The following NCEH1 variants were observed in gnomAD, a reference collection of about 807,000 sequenced individuals.
NCEH1 encodes the protein neutral cholesterol ester hydrolase 1, also known as 2-acetyl MAGE hydrolase.
In NCEH1, 9 loss-of-function variants were observed where a neutral mutation model predicts 25.4. The ratio of observed to expected loss-of-function variants is 0.35; its 90% CI spans 0.21 to 0.62. The LOEUF (loss-of-function observed/expected upper bound fraction) is 0.62, where lower values mean the gene tolerates loss of function less well. Among genes scored for constraint, NCEH1 ranks in the 20% least tolerant of loss-of-function variants. The pLI, the probability that NCEH1 is intolerant of heterozygous loss-of-function variation, is 0.72. For synonymous variants in NCEH1, 200 were observed against 199.8 expected (o/e 1.00, Z -0.01); for missense variants, 412 against 501.1 (o/e 0.82, Z 1.70).
chr3:172,703,891 C>G (rs180727197), intron 1 of NCEH1, among the ~76,000 whole-genome samples: 12 of 152,298 alleles, frequency 7.9e-5, no homozygotes, highest in Admixed American at 1.3e-4. Context: ...AAATAATGCC[C>G]CTGACACTAT....
chr3:172,681,028 C>G (rs1262456237), intron 1 of NCEH1: 1 of 151,026 alleles, frequency 6.6e-6, no homozygotes, highest in Non-Finnish European at 1.5e-5. Flanking sequence ...CACCTATAAG[C>G]CTTTACTTGC....
rs1323209662 is a variant in NCEH1 at position 172,704,640 on chromosome 3, G to C, written c.138+6207C>G. 3.3e-5 allele frequency among the ~76,000 whole-genome samples: 5 copies of C among 152,330 alleles called. No individual in the cohort carries two copies. In the East Asian group the frequency reaches 9.6e-4, roughly 29 times the overall value. On this transcript the variant is annotated intron_variant, in intron 1 of 4. Transcript: ENST00000475381. ...TTTAATTTTATTAAACACTGAAAGA[G>C]AGCTTGTTAAAATTTCATAATATGA...
At position 172,630,362 on chromosome 3, in the gene NCEH1, A is replaced by G. The variant is rs1164003523; in HGVS notation, c.*3113T>C. On this transcript the variant is annotated 3_prime_UTR_variant, in exon 5 of 5. Coordinates refer to ENST00000475381, the MANE Select transcript of NCEH1 (RefSeq NM_020792.6). The stretch of plus-strand genomic sequence containing the variant: ...AGCTCAAACTCTTGGCATTATGATC[A>G]TCCTTTTCCTAACATGTGTATTGAA... The G allele has an allele frequency of 6.6e-6, 1 of 152,188 alleles. No homozygotes were observed. The highest frequency in any genetic ancestry group is 1.5e-5 in the Non-Finnish European group (1 of 68,044). The allele number at this position is 152,188 out of a possible 1,614,324, so 9.4% of individuals were successfully genotyped here. A position where few individuals can be genotyped will look rare whatever the true frequency, so the allele number is the denominator to read the frequency against.
intron 2 of NCEH1, 54 bp downstream of exon 2, chr3:172,647,832 T>C: frequency 6.2e-7 from 1 of 1,603,712 alleles, no homozygotes; most frequent in Middle Eastern, 1.7e-4. Flanking sequence ...CAGTTACGCA[T>C]CTCCCCCAAG....
In NCEH1 at chr3:172,662,285, T is replaced by C. The variant is rs187694796; in HGVS notation, c.139-14171A>G. 2.0e-3 allele frequency among the ~76,000 whole-genome samples: 299 copies of C among 152,356 alleles called. 1 individual carries two copies. Among genetic ancestry groups the C allele is most frequent in the African/African-American group, 6.7e-3 (279 of 41,582 alleles). ...TGGATTACATTTATTGATTTTCATA[T>C]GTTGAACCAACCTTGCACCCCAGGG... On this transcript the variant is annotated intron_variant, in intron 1 of 4. Coordinates refer to ENST00000475381, the MANE Select transcript of NCEH1 (RefSeq NM_020792.6).
rs1560186618 is a variant in NCEH1 at position 172,653,764 on chromosome 3, T to TTGTTTTTTG, written c.139-5651_139-5650insCAAAAAACA. On this transcript the variant is annotated intron_variant, in intron 1 of 4. Transcript: ENST00000475381. ...TTTTTGTTTTTTTGTTTTTTTGTTT[T>TTGTTTTTTG]TTTTTTTTTTTGAGACAGAGTCTCC... Among the ~76,000 whole-genome samples, 17 of 48,190 alleles carry TTGTTTTTTG rather than the reference T, an allele frequency of 3.5e-4. 1 individual carries two copies. Among genetic ancestry groups the TTGTTTTTTG allele is most frequent in the African/African-American group, 1.0e-3 (17 of 17,036 alleles). 31.6% of individuals were successfully genotyped at this position (48,190 alleles called of 152,430 possible).
intron 1 of NCEH1, among the ~76,000 whole-genome samples, chr3:172,658,840 C>CT (rs33955977): frequency 0.068 from 5,037 of 74,192 alleles, 398 homozygotes; most frequent in Middle Eastern, 0.1. Context: ...AATTCCAAAA[C>CT]TTTTTTTTTT....
At chr3:172,704,840 G>A (rs1380453889) in intron 1 of NCEH1, among the ~76,000 whole-genome samples, 1 of 152,180 alleles carries the variant, frequency 6.6e-6, no homozygotes, top group Non-Finnish European at 1.5e-5. Context: ...AACTACACCT[G>A]TTCTACACCT....
chr3:172,638,275 C>CAAAAAAAAAAAAAAAAAAAAA (rs1560178436), intron 3 of NCEH1, among the ~76,000 whole-genome samples: 1 of 81,900 alleles, frequency 1.2e-5, no homozygotes, highest in African/African-American at 4.1e-5. Flanking sequence ...GAGACTCTGT[C>CAAAAAAAAAAAAAAAAAAAAA]CAAAAAAAAA....
Position 172,667,034 on chromosome 3 carries a change from T to C in NCEH1, c.139-18920A>G, listed in dbSNP as rs375964340. Among the ~76,000 whole-genome samples, 13 of 152,324 alleles carry C rather than the reference T, an allele frequency of 8.5e-5. No homozygotes were observed. In the East Asian group the frequency reaches 2.5e-3, roughly 29 times the overall value. On this transcript the variant is annotated intron_variant, in intron 1 of 4. Coordinates refer to ENST00000475381, the MANE Select transcript of NCEH1 (RefSeq NM_020792.6). ...CCGCCTAGTGGAAATAGAAATCCTC[T>C]TCATAGGACATATTGCTGGTCCTTT...
intron 1 of NCEH1, among the ~76,000 whole-genome samples, chr3:172,665,062 C>CT (rs1482830653): frequency 6.6e-6 from 1 of 152,160 alleles, no homozygotes; most frequent in Non-Finnish European, 1.5e-5. Flanking sequence ...GAATTTTCAG[C>CT]TTTTCTGCTC....
chr3:172,637,761 C>T (rs928806280), intron 3 of NCEH1, among the ~76,000 whole-genome samples: 6 of 152,152 alleles, frequency 3.9e-5, no homozygotes, highest in East Asian at 1.9e-4. Context: ...CGGTCGTGGG[C>T]GCCTGTAATC....
chr3:172,633,425 C>A lies in NCEH1; in HGVS notation c.*50G>T. 6.5e-7 allele frequency: 1 copy of A among 1,544,810 alleles called. No individual in the cohort carries two copies. The stretch of plus-strand genomic sequence containing the variant: ...CTAAAAAGTGCATGTCTTTCCAAAG[C>A]AGGTGTAGGAGGTCAAGAGGGGCTC... On this transcript the variant is annotated 3_prime_UTR_variant, in exon 5 of 5. Coordinates refer to ENST00000475381, the MANE Select transcript of NCEH1 (RefSeq NM_020792.6).
intron 1 of NCEH1, among the ~76,000 whole-genome samples, chr3:172,692,579 G>A (rs1240246945): frequency 6.6e-6 from 1 of 151,618 alleles, no homozygotes; most frequent in Non-Finnish European, 1.5e-5. Flanking sequence ...TGCCCAGGCT[G>A]GTCTCAAACT....
chr3:172,660,651 T>A (rs551849204), intron 1 of NCEH1, among the ~76,000 whole-genome samples: 3 of 152,186 alleles, frequency 2.0e-5, no homozygotes, highest in Non-Finnish European at 4.4e-5. Flanking sequence ...TTTCCTGACT[T>A]TGTGATGATT....
intron 1 of NCEH1, among the ~76,000 whole-genome samples, chr3:172,696,756 T>C (rs1713400777): frequency 6.6e-6 from 1 of 152,194 alleles, no homozygotes; most frequent in Non-Finnish European, 1.5e-5. Context: ...TTTTGTGAAA[T>C]AAGAGATCTA....
chr3:172,694,394 CTG>C (rs768064072), intron 1 of NCEH1, among the ~76,000 whole-genome samples: 21 of 130,682 alleles, frequency 1.6e-4, no homozygotes, highest in Non-Finnish European at 1.8e-4. Flanking sequence ...GTGTGTGTGT[CTG>C]TGTGTGTGTG....
At chr3:172,664,459 A>G (rs1048096962) in intron 1 of NCEH1, among the ~76,000 whole-genome samples, 37 of 151,864 alleles carry the variant, frequency 2.4e-4, no homozygotes, top group Non-Finnish European at 4.4e-4. Flanking sequence ...CTTCACGAGG[A>G]GTATCTTTGT....
At chr3:172,702,017 G>A (rs2108537790) in intron 1 of NCEH1, among the ~76,000 whole-genome samples, 1 of 152,236 alleles carries the variant, frequency 6.6e-6, no homozygotes, top group South Asian at 2.1e-4. Context: ...TTCACATACT[G>A]CTGCTTCTGG....
Sources: gnomAD v4.1 joint callset for allele counts (sites outside exome capture counted in the v4.1 genomes callset) on GRCh38, gnomAD v4.1.1 for gene constraint, MANE v1.5 for transcripts, NCBI Gene and HGNC (gene_info 2026-07-23, HGNC 2026-07-21) for gene names.